Variants in OCA2 observed in about 807,000 individuals in gnomAD.
The protein encoded by OCA2 is OCA2 melanosomal transmembrane protein.
A neutral mutation model predicts 100.2 loss-of-function variants in OCA2; 77 were observed. The ratio of observed to expected loss-of-function variants is 0.77; its 90% CI spans 0.64 to 0.93. The LOEUF is 0.93. OCA2 is among the 40% of genes least tolerant of loss of function. OCA2 has a pLI of 0.00. For missense variants in OCA2, 1,062 were observed against 1,089.1 expected (o/e 0.98, Z 0.35); for synonymous variants, 432 against 439.2 (o/e 0.98, Z 0.21).
At chr15:27,991,732 A>T (rs892408485) in intron 9 of OCA2, among the ~76,000 whole-genome samples, 4 of 151,192 alleles carry the variant, frequency 2.6e-5, no homozygotes, top group Non-Finnish European at 5.9e-5. Context: ...TAAATTTGTT[A>T]AAAAAATACA....
intron 23 of OCA2, among the ~76,000 whole-genome samples, chr15:27,756,742 T>C (rs1395598250): frequency 6.6e-6 from 1 of 152,134 alleles, no homozygotes; most frequent in Non-Finnish European, 1.5e-5. Context: ...TCAGGTAAGA[T>C]GCCGAGAATC....
At chr15:27,720,175 C>T in the OCA2 span, among the ~76,000 whole-genome samples, 1 of 152,066 alleles carries the variant, frequency 6.6e-6, no homozygotes, top group Non-Finnish European at 1.5e-5. Context: ...TGCATTCCAT[C>T]GCATCCTCCT....
At chr15:27,998,999 T>C (rs564533567) in intron 9 of OCA2, among the ~76,000 whole-genome samples, 13 of 150,626 alleles carry the variant, frequency 8.6e-5, no homozygotes, top group Non-Finnish European at 1.9e-4. Flanking sequence ...AATTGAACAA[T>C]GAGAACACAT....
At chr15:27,943,499 T>C (rs2039722027) in intron 18 of OCA2, among the ~76,000 whole-genome samples, 1 of 152,078 alleles carries the variant, frequency 6.6e-6, no homozygotes, top group Non-Finnish European at 1.5e-5. Flanking sequence ...TCCCCTTCCC[T>C]TTCCAAAACC....
chr15:27,950,433 A>C, intron 18 of OCA2: 1 of 436,250 alleles, frequency 2.3e-6, no homozygotes, highest in East Asian at 6.1e-5. Flanking sequence ...GATGTAATCC[A>C]CCAAATACAA....
intron 23 of OCA2, among the ~76,000 whole-genome samples, chr15:27,779,639 C>T (rs559377001): frequency 2.6e-5 from 4 of 152,286 alleles, no homozygotes; most frequent in African/African-American, 9.6e-5. Context: ...TTACTTTCAG[C>T]CTATATGTGT....
chr15:27,824,565 G>C (rs1016854840), intron 23 of OCA2, among the ~76,000 whole-genome samples: 12 of 88,150 alleles, frequency 1.4e-4, no homozygotes, highest in African/African-American at 4.8e-4. Flanking sequence ...AATTTCTTTT[G>C]AATAAATACA....
chr15:27,814,107 C>T (rs1336010807), intron 23 of OCA2, among the ~76,000 whole-genome samples: 1 of 152,068 alleles, frequency 6.6e-6, no homozygotes. Flanking sequence ...TCAATGTTAA[C>T]TACAGTCACC....
At chr15:27,780,961 T>C (rs375204572) in intron 23 of OCA2, among the ~76,000 whole-genome samples, 3 of 152,240 alleles carry the variant, frequency 2.0e-5, no homozygotes, top group Non-Finnish European at 4.4e-5. Context: ...TCTGACATTA[T>C]ATAAAAGTAC....
chr15:27,803,800 G>A (rs2151185593), intron 23 of OCA2, among the ~76,000 whole-genome samples: 1 of 152,276 alleles, frequency 6.6e-6, no homozygotes, highest in Non-Finnish European at 1.5e-5. Context: ...TCACTATAAT[G>A]AGTACAACAA....
At chr15:27,884,131 C>A (rs1000909814) in intron 19 of OCA2, among the ~76,000 whole-genome samples, 1 of 152,280 alleles carries the variant, frequency 6.6e-6, no homozygotes, top group Non-Finnish European at 1.5e-5. Context: ...CTTGTAATCC[C>A]AGCACTTTGG....
chr15:27,772,840 CAA>C (rs55814100), intron 23 of OCA2, among the ~76,000 whole-genome samples: 16 of 122,770 alleles, frequency 1.3e-4, no homozygotes, highest in South Asian at 2.9e-4. Context: ...GACTCTATCT[CAA>C]AAAAAAAAAA....
intron 19 of OCA2, among the ~76,000 whole-genome samples, chr15:27,886,021 T>C (rs2037208331): frequency 6.6e-6 from 1 of 152,226 alleles, no homozygotes; most frequent in African/African-American, 2.4e-5. Flanking sequence ...CAGGGAAGGC[T>C]GCCCTGAGGA....
chr15:28,009,029 G>A (rs572347864), intron 9 of OCA2, among the ~76,000 whole-genome samples: 15 of 152,246 alleles, frequency 9.9e-5, no homozygotes, highest in Non-Finnish European at 1.6e-4. Flanking sequence ...TACCCCTAGA[G>A]TAGATCCTAG....
At chr15:27,941,222 T>G (rs2140496201) in intron 18 of OCA2, among the ~76,000 whole-genome samples, 1 of 152,322 alleles carries the variant, frequency 6.6e-6, no homozygotes, top group African/African-American at 2.4e-5. Flanking sequence ...ATGAAAAAAT[T>G]GTAAGTAGTA....
chr15:27,795,643 CA>C (rs1241161495), intron 23 of OCA2, among the ~76,000 whole-genome samples: 1 of 152,212 alleles, frequency 6.6e-6, no homozygotes, highest in African/African-American at 2.4e-5. Context: ...CTTTTTGAAA[CA>C]ATTATCAGTT....
rs1403762776 is a variant in OCA2 at position 28,024,854 on chromosome 15, C to T, written c.564G>A (p.Val188=). The change falls in exon 5 of 24, where the codon GTG becomes GTA. Residue 188 remains valine, a synonymous_variant. Coordinates refer to ENST00000354638, the MANE Select transcript of OCA2 (RefSeq NM_000275.3). ...LKVMGLFAFV[V]LCSILFSLYP... ...CAGCTAAGGTACTCACAGAACACAGCACCACAAAGGCAAACAGGCCCATGA... is the reference window on the plus strand; with the variant it reads ...CAGCTAAGGTACTCACAGAACACAGTACCACAAAGGCAAACAGGCCCATGA... 6.2e-7 allele frequency: 1 copy of T among 1,614,218 alleles called. No homozygotes were observed. Among genetic ancestry groups the T allele is most frequent in the South Asian group, 1.1e-5 (1 of 91,088 alleles).
intron 21 of OCA2, among the ~76,000 whole-genome samples, chr15:27,870,127 C>T (rs1210726518): frequency 1.3e-5 from 2 of 152,206 alleles, no homozygotes; most frequent in Non-Finnish European, 2.9e-5. Context: ...GCCCTTCTCC[C>T]CACACAGCCA....
intron 11 of OCA2, among the ~76,000 whole-genome samples, chr15:27,987,880 C>T (rs2041415495): frequency 6.6e-6 from 1 of 152,162 alleles, no homozygotes; most frequent in Non-Finnish European, 1.5e-5. Flanking sequence ...GGAGTCCCAA[C>T]AGACACTATT....
Sources: gnomAD v4.1 joint callset for allele counts (sites outside exome capture counted in the v4.1 genomes callset) on GRCh38, gnomAD v4.1.1 for gene constraint, MANE v1.5 for transcripts, NCBI Gene and HGNC (gene_info 2026-07-23, HGNC 2026-07-21) for gene names.